The following SDK2 variants were observed in gnomAD, a reference collection of about 807,000 sequenced individuals.
SDK2 encodes the protein protein sidekick-2.
In SDK2, 105 loss-of-function variants were observed where a neutral mutation model predicts 253.9. The observed-to-expected ratio is 0.41, with a 90% confidence interval of 0.35 to 0.49. The LOEUF (loss-of-function observed/expected upper bound fraction) is 0.49. Among genes scored for constraint, SDK2 ranks in the 20% least tolerant of loss-of-function variants. The pLI, the probability that SDK2 is intolerant of heterozygous loss-of-function variation, is 0.06. For synonymous variants in SDK2, 1,249 were observed against 1,234.9 expected (o/e 1.01, Z -0.24); for missense variants, 2,608 against 3,003.0 (o/e 0.87, Z 3.07).
chr17:73,588,195 A>C (rs71380186), intron 1 of SDK2, among the ~76,000 whole-genome samples: 19,543 of 116,618 alleles, frequency 0.17, 1,626 homozygotes, highest in Non-Finnish European at 0.19. Context: ...CAACATGGAG[A>C]GACCCCCCCC....
At chr17:73,588,344 G>A (rs1461497549) in intron 1 of SDK2, among the ~76,000 whole-genome samples, 1 of 133,414 alleles carries the variant, frequency 7.5e-6, no homozygotes, top group Non-Finnish European at 1.5e-5. Context: ...CCGAGATCGC[G>A]CCTTTGCACA....
chr17:73,448,577 G>T (rs1483206042), intron 4 of SDK2, among the ~76,000 whole-genome samples: 2 of 151,906 alleles, frequency 1.3e-5, no homozygotes, highest in African/African-American at 4.8e-5. Context: ...TGTTAGCCAG[G>T]ATGGTCTCGA....
chr17:73,366,924 C>T (rs1034425247), intron 37 of SDK2, among the ~76,000 whole-genome samples: 18 of 152,158 alleles, frequency 1.2e-4, no homozygotes, highest in African/African-American at 4.3e-4. Context: ...GCACAGCAGC[C>T]GGAGCACTTT....
intron 3 of SDK2, among the ~76,000 whole-genome samples, chr17:73,468,069 T>A (rs2063615462): frequency 6.6e-6 from 1 of 152,146 alleles, no homozygotes. Context: ...CCTGGAGCTC[T>A]GGGGCTTTGA....
chr17:73,464,448 C>T (rs1000689743), intron 3 of SDK2, among the ~76,000 whole-genome samples: 1 of 152,208 alleles, frequency 6.6e-6, no homozygotes, highest in African/African-American at 2.4e-5. Context: ...GTCAATTAAA[C>T]CTCTTTCCTT....
chr17:73,350,097 C>T, intron 43 of SDK2, 140 bp downstream of exon 43: 1 of 805,266 alleles, frequency 1.2e-6, no homozygotes, highest in Non-Finnish European at 1.9e-6. Context: ...GCTGATCGTT[C>T]CCAGCCCTGG....
At chr17:73,505,337 CT>C (rs2063926194) in intron 2 of SDK2, among the ~76,000 whole-genome samples, 1 of 152,150 alleles carries the variant, frequency 6.6e-6, no homozygotes, top group Admixed American at 6.5e-5. Flanking sequence ...GTGTGTTTAT[CT>C]GTAAAATGGG....
chr17:73,586,399 C>T (rs1391887369), intron 1 of SDK2, among the ~76,000 whole-genome samples: 28 of 152,186 alleles, frequency 1.8e-4, no homozygotes, highest in African/African-American at 1.7e-4. Flanking sequence ...CTCTCCCCCT[C>T]GCTGAGACCA....
chr17:73,433,761 G>T lies in SDK2; in HGVS notation c.1283C>A (p.Ala428Glu). ...SVVLACETSG[A>E]PRPAITWQKG... The stretch of plus-strand genomic sequence containing the variant: ...CTGCCAAGTGATAGCTGGTCGGGGC[G>T]CCCCCGAGGTCTCACATGCTAGCAC... The change falls in exon 10 of 45, where the codon GCG (alanine) becomes GAG (glutamate). Residue 428 changes from alanine to glutamate, a missense_variant. By Grantham distance (107) the Ala-to-Glu change is moderately radical. Coordinates refer to ENST00000392650, the MANE Select transcript of SDK2 (RefSeq NM_001144952.2). 6.2e-7 allele frequency: 1 copy of T among 1,607,552 alleles called. No individual in the cohort carries two copies. The highest frequency in any genetic ancestry group is 1.1e-5 in the South Asian group (1 of 89,430).
In SDK2 at chr17:73,609,320, A is replaced by G. The variant is rs2045946239; in HGVS notation, c.64+34705T>C. 6.6e-6 allele frequency among the ~76,000 whole-genome samples: 1 copy of G among 152,164 alleles called. No individual in the cohort carries two copies. The highest frequency in any genetic ancestry group is 2.4e-5 in the African/African-American group (1 of 41,426). On this transcript the variant is annotated intron_variant, in intron 1 of 44. Coordinates refer to ENST00000392650, the MANE Select transcript of SDK2 (RefSeq NM_001144952.2). The surrounding 1 kb of genome is among the most constrained non-coding windows in gnomAD (Gnocchi z 4.4). ...CATGGAAAGGAGGAGAGAGCCCAGAACTGAGTCCAGAACGCCCTGACATCA... is the reference window on the plus strand; with the variant it reads ...CATGGAAAGGAGGAGAGAGCCCAGAGCTGAGTCCAGAACGCCCTGACATCA...
chr17:73,536,978 C>T (rs1195280457), intron 1 of SDK2, among the ~76,000 whole-genome samples: 1 of 152,132 alleles, frequency 6.6e-6, no homozygotes, highest in Non-Finnish European at 1.5e-5. Context: ...TGGAGGACCG[C>T]TGGGTGGAGG....
Position 73,401,070 on chromosome 17 carries a change from T to C in SDK2, c.2921A>G (p.Lys974Arg). The C allele has an allele frequency of 6.3e-7, 1 of 1,575,362 alleles. No individual in the cohort carries two copies. The highest frequency in any genetic ancestry group is 8.6e-7 in the Non-Finnish European group (1 of 1,160,428). Residue 974 changes from lysine to arginine, a missense_variant, in exon 21 of 45, where the codon AAG becomes AGG. Transcript: ENST00000392650. ...GGAGGCGGACACTTGGCCCTGGCCC[T>C]TTGAGGTCATGGCGGCCACCTCGAT... The part of the protein sequence containing the change: ...YTIEVAAMTS[K>R]GQGQVSASTI...
chr17:73,406,952 T>A (rs2145546075), intron 18 of SDK2, among the ~76,000 whole-genome samples: 1 of 152,322 alleles, frequency 6.6e-6, no homozygotes, highest in African/African-American at 2.4e-5. Context: ...TGTGTGTGTT[T>A]GTGGGAATAA....
rs897804486 is a variant in SDK2, at chr17:73,481,136, G to C, written c.225-8918C>G. On this transcript the variant is annotated intron_variant, in intron 2 of 44. Coordinates refer to ENST00000392650, the MANE Select transcript of SDK2 (RefSeq NM_001144952.2). The surrounding 1 kb of genome is among the most constrained non-coding windows in gnomAD (Gnocchi z 4.5). ...GTTCTGGAGCAGGCACTGGGGAGGG[G>C]ACAGGCAAGCCCAGGCGAGCTGAGC... Among the ~76,000 whole-genome samples the C allele has an allele frequency of 6.6e-6, 1 of 152,198 alleles. No individual in the cohort carries two copies. Among genetic ancestry groups the C allele is most frequent in the Non-Finnish European group, 1.5e-5 (1 of 68,036 alleles).
intron 4 of SDK2, among the ~76,000 whole-genome samples, chr17:73,448,573 C>A (rs1307275900): frequency 2.0e-5 from 3 of 151,986 alleles, no homozygotes; most frequent in Non-Finnish European, 4.4e-5. Context: ...ACTTTGTTAG[C>A]CAGGATGGTC....
At chr17:73,526,121 A>G (rs2410773) in intron 1 of SDK2, among the ~76,000 whole-genome samples, 107,668 of 152,152 alleles carry the variant, frequency 0.71, 38,276 homozygotes, top group East Asian at 0.8. Flanking sequence ...TAAATGGCAC[A>G]AGCCAGGTGG....
At chr17:73,565,642 T>C (rs2045300115) in intron 1 of SDK2, among the ~76,000 whole-genome samples, 1 of 152,216 alleles carries the variant, frequency 6.6e-6, no homozygotes, top group Non-Finnish European at 1.5e-5. Flanking sequence ...AGATCTCTAA[T>C]ATGGTTCAGG....
chr17:73,384,421 A>G (rs2062856033), intron 32 of SDK2, among the ~76,000 whole-genome samples: 1 of 152,092 alleles, frequency 6.6e-6, no homozygotes, highest in Non-Finnish European at 1.5e-5. Context: ...TCCCTGCCTT[A>G]GCATCTGGAT....
At chr17:73,584,625 A>T (rs568167670) in intron 1 of SDK2, among the ~76,000 whole-genome samples, 6 of 152,354 alleles carry the variant, frequency 3.9e-5, no homozygotes, top group African/African-American at 1.4e-4. Context: ...GCTCCAGATG[A>T]AGAGTCCAGG....
Sources: allele counts gnomAD v4.1 joint callset (sites outside exome capture counted in the v4.1 genomes callset), GRCh38; gene constraint gnomAD v4.1.1; non-coding constraint Gnocchi (gnomAD v3.1); transcripts MANE v1.5; gene names NCBI Gene and HGNC (gene_info 2026-07-23, HGNC 2026-07-21).